Variants in SLC16A1 observed in about 807,000 individuals in gnomAD.
The protein encoded by SLC16A1 is monocarboxylate transporter 1.
Under a neutral mutation model 32.2 loss-of-function variants are expected in SLC16A1, and 11 were observed. The observed-to-expected ratio is 0.34, with a 90% CI of 0.21 to 0.56. The LOEUF is 0.56. Ranked by LOEUF, SLC16A1 falls within the 20% of genes least tolerant of loss-of-function variation. SLC16A1 has a pLI of 0.87. For synonymous variants in SLC16A1, 231 were observed against 226.8 expected (o/e 1.02, Z -0.17); for missense variants, 435 against 615.0 (o/e 0.71, Z 3.10).
At chr1:112,953,931 T>C (rs1459443786) in intron 1 of SLC16A1, among the ~76,000 whole-genome samples, 1 of 152,208 alleles carries the variant, frequency 6.6e-6, no homozygotes, top group Non-Finnish European at 1.5e-5. Context: ...ACCTACTTGT[T>C]TGTAAAGAGT....
At chr1:112,938,877 C>CT (rs553027289) in intron 1 of SLC16A1, among the ~76,000 whole-genome samples, 2,537 of 140,240 alleles carry the variant, frequency 0.018, 33 homozygotes, top group Middle Eastern at 0.033. Context: ...GAAAGCATTT[C>CT]TTTTTTTTTT....
In SLC16A1 at chr1:112,946,346, C is replaced by T. The variant is rs539036655; in HGVS notation, c.-45+9689G>A. 5.9e-5 allele frequency among the ~76,000 whole-genome samples: 9 copies of T among 151,906 alleles called. No individual in the cohort carries two copies. In the East Asian group the frequency reaches 1.4e-3, roughly 23 times the overall value. On this transcript the variant is annotated intron_variant, in intron 1 of 4. Transcript: ENST00000369626. ...CAGCACTTTGGGAGGCCAAGGCAGG[C>T]GGATCCACTTGAGTTAAAAAAAAAA... is the stretch of plus-strand genomic sequence containing the variant.
chr1:112,919,187 T>C (rs1648627267), intron 3 of SLC16A1, among the ~76,000 whole-genome samples: 1 of 151,714 alleles, frequency 6.6e-6, no homozygotes, highest in Non-Finnish European at 1.5e-5. Context: ...CCCGCCACCA[T>C]GCCCGGCTCA....
At chr1:112,923,576 C>G in intron 2 of SLC16A1, 1 of 1,332,744 alleles carries the variant, frequency 7.5e-7, no homozygotes. Flanking sequence ...AAATTGATAC[C>G]AAGGCCAATC....
In SLC16A1 at chr1:112,917,180, A is replaced by G; in HGVS notation, c.1226T>C (p.Leu409Ser). The G allele has an allele frequency of 6.2e-7, 1 of 1,614,136 alleles. No individual in the cohort carries two copies. Among genetic ancestry groups the G allele is most frequent in the South Asian group, 1.1e-5 (1 of 91,064 alleles). Residue 409 changes from leucine (L) to serine (S), a missense_variant and splice_region_variant, in exon 4 of 5, where the codon TTA becomes TCA. Leu to Ser is a moderately radical substitution (Grantham distance 145). Coordinates refer to ENST00000369626, the MANE Select transcript of SLC16A1 (RefSeq NM_003051.4). The surrounding 1 kb of genome is among the most constrained non-coding windows in gnomAD (Gnocchi z 4.1). The part of the protein sequence containing the change: ...CCPVLLGPPL[L>S]GRLNDMYGDY... ...ATTAGTAGGGAGATATACTATACCT[A>G]AAAGTGGTGGCCCCAGGAGGACAGG...
rs1557842927 is a variant in SLC16A1, at chr1:112,914,311, G to GA, written c.1229-147dup. 1.4e-5 allele frequency: 11 copies of GA among 811,946 alleles called. No individual in the cohort carries two copies. In the East Asian group the frequency reaches 2.9e-4, roughly 22 times the overall value. 50.3% of individuals were successfully genotyped at this position (811,946 alleles called of 1,614,324 possible). A position where few individuals can be genotyped will look rare whatever the true frequency, so the allele number is the denominator to read the frequency against. On this transcript the variant is annotated intron_variant, in intron 4 of 4. Transcript: ENST00000369626. The stretch of plus-strand genomic sequence containing the variant: ...TGATGAATTAGTATAAGGAATTGCT[G>GA]AAAATTAGCTGATCCTCTGTTTATA...
intron 2 of SLC16A1, chr1:112,924,217 C>T: frequency 1.3e-6 from 2 of 1,517,976 alleles, no homozygotes; most frequent in South Asian, 1.1e-5. Flanking sequence ...CTGGGCATGT[C>T]CAGCTTGGAG....
chr1:112,943,129 T>A (rs977717619), intron 1 of SLC16A1, among the ~76,000 whole-genome samples: 1 of 152,192 alleles, frequency 6.6e-6, no homozygotes, highest in Admixed American at 6.5e-5. Flanking sequence ...GGCTATTATA[T>A]AAGAAAGGTG....
At chr1:112,919,835 C>G (rs983850245) in intron 3 of SLC16A1, among the ~76,000 whole-genome samples, 2 of 152,200 alleles carry the variant, frequency 1.3e-5, no homozygotes, top group Admixed American at 6.5e-5. Context: ...GTTGATTCTT[C>G]AGTGAGCCCT....
rs561335045 is a variant in SLC16A1 at position 112,923,458 on chromosome 1, G to A, written c.218-1325C>T. 19 of 733,600 alleles carry A rather than the reference G, an allele frequency of 2.6e-5. No individual in the cohort carries two copies. The Admixed American group carries it at 3.8e-4, about 15-fold the overall frequency. The allele number at this position is 733,600 out of a possible 1,614,324, so 45.4% of individuals were successfully genotyped here. A position where few individuals can be genotyped will look rare whatever the true frequency, so the allele number is the denominator to read the frequency against. ...CCTCCACGGTGTTGGGTGCCATGGAGATGGGGCGCCGTAGTCACCCGCGCC... is the reference window on the plus strand; with the variant it reads ...CCTCCACGGTGTTGGGTGCCATGGAAATGGGGCGCCGTAGTCACCCGCGCC... On this transcript the variant is annotated intron_variant, in intron 2 of 4. Coordinates refer to ENST00000369626, the MANE Select transcript of SLC16A1 (RefSeq NM_003051.4).
At chr1:112,941,485 G>A (rs547548014) in intron 1 of SLC16A1, among the ~76,000 whole-genome samples, 1 of 152,254 alleles carries the variant, frequency 6.6e-6, no homozygotes, top group Non-Finnish European at 1.5e-5. Flanking sequence ...GTTTCTCCAT[G>A]TTGGTCAGGC....
chr1:112,924,114 T>C, intron 2 of SLC16A1: 1 of 1,371,802 alleles, frequency 7.3e-7, no homozygotes, highest in Non-Finnish European at 1.0e-6. Flanking sequence ...GCAGGCCGCG[T>C]ATGGCGCCAG....
chr1:112,923,844 A>C, intron 2 of SLC16A1: 1 of 1,506,200 alleles, frequency 6.6e-7, no homozygotes, highest in Non-Finnish European at 9.2e-7. Flanking sequence ...GACCCTGCCC[A>C]CTGTGTACCA....
In SLC16A1 at chr1:112,914,059, A is replaced by G. The variant is rs759151193; in HGVS notation, c.1335T>C (p.Tyr445=). ...CTTTCTGTTCTTTTGCCAAAAGTCG[A>G]TAATTGATGCCCATGCCAATGAAGA... ...IYLFIGMGIN[Y]RLLAKEQKAN... The change falls in exon 5 of 5, where the codon TAT becomes TAC. Residue 445 remains tyrosine (Y), a synonymous_variant. Transcript: ENST00000369626. 6.1e-5 allele frequency: 98 copies of G among 1,614,048 alleles called. No homozygotes were observed. In the South Asian group the frequency reaches 8.9e-4, roughly 15 times the overall value.
intron 2 of SLC16A1, chr1:112,923,495 C>T (rs973883721): frequency 1.1e-5 from 10 of 908,886 alleles, no homozygotes; most frequent in African/African-American, 3.3e-5. Flanking sequence ...TCCTGGAGCA[C>T]GGCCACACCA....
intron 2 of SLC16A1, among the ~76,000 whole-genome samples, chr1:112,924,662 G>C (rs937891821): frequency 2.0e-5 from 3 of 152,070 alleles, no homozygotes; most frequent in Non-Finnish European, 4.4e-5. Context: ...GTTGCAATTA[G>C]GTAATCTTGA....
At chr1:112,953,766 T>C (rs1169321302) in intron 1 of SLC16A1, among the ~76,000 whole-genome samples, 1 of 152,226 alleles carries the variant, frequency 6.6e-6, no homozygotes, top group Non-Finnish European at 1.5e-5. Flanking sequence ...CTGTCTTGCC[T>C]GGCTAGCTCT....
At chr1:112,949,375 T>C (rs548678720) in intron 1 of SLC16A1, among the ~76,000 whole-genome samples, 1 of 152,204 alleles carries the variant, frequency 6.6e-6, no homozygotes, top group Non-Finnish European at 1.5e-5. Context: ...ATGCCTTAAT[T>C]TGTGACAATC....
intron 2 of SLC16A1, chr1:112,922,504 T>A: frequency 3.4e-6 from 1 of 294,742 alleles, no homozygotes; most frequent in Non-Finnish European, 6.5e-6. Flanking sequence ...CTGGGCGCAG[T>A]AGCTCACGCC....
Sources: gnomAD v4.1 joint callset for allele counts (sites outside exome capture counted in the v4.1 genomes callset) on GRCh38, gnomAD v4.1.1 for gene constraint, Gnocchi (gnomAD v3.1) non-coding constraint, MANE v1.5 for transcripts, NCBI Gene and HGNC (gene_info 2026-07-23, HGNC 2026-07-21) for gene names.